The following SLC17A8 variants were observed in gnomAD, a reference collection of about 807,000 sequenced individuals.
SLC17A8 encodes solute carrier family 17 member 8.
A neutral mutation model predicts 58.0 loss-of-function variants in SLC17A8; 31 were observed. That is an observed-to-expected ratio of 0.53 (90% confidence interval 0.40 to 0.72). The LOEUF is 0.72. Among genes scored for constraint, SLC17A8 ranks in the 30% least tolerant of loss-of-function variants. The probability of loss-of-function intolerance (pLI) is 0.00; values close to 1 mark genes in which losing one functional copy is unlikely to be tolerated. For missense variants in SLC17A8, 655 were observed against 727.8 expected (o/e 0.90, Z 1.15); for synonymous variants, 228 against 249.0 (o/e 0.92, Z 0.79).
intron 9 of SLC17A8, among the ~76,000 whole-genome samples, chr12:100,406,114 C>A (rs1038295073): frequency 6.6e-6 from 1 of 152,176 alleles, no homozygotes; most frequent in African/African-American, 2.4e-5. Flanking sequence ...CTGACTTTGC[C>A]CACTCCCTTT....
At chr12:100,386,107 A>C (rs1309568033) in intron 2 of SLC17A8, among the ~76,000 whole-genome samples, 1 of 152,084 alleles carries the variant, frequency 6.6e-6, no homozygotes. Context: ...TCATTTTAAG[A>C]TTCTTGACAT....
chr12:100,361,610 G>A (rs1298592270), intron 1 of SLC17A8, among the ~76,000 whole-genome samples: 1 of 152,150 alleles, frequency 6.6e-6, no homozygotes, highest in Non-Finnish European at 1.5e-5. Context: ...ATTTGGGTGA[G>A]CCTAGAATGT....
At chr12:100,381,295 C>T (rs1299573978) in intron 2 of SLC17A8, among the ~76,000 whole-genome samples, 2 of 152,198 alleles carry the variant, frequency 1.3e-5, no homozygotes, top group African/African-American at 4.8e-5. Flanking sequence ...GCTACTTGTG[C>T]TGGGCATTGT....
At chr12:100,359,762 G>A (rs1592984039) in intron 1 of SLC17A8, among the ~76,000 whole-genome samples, 2 of 152,160 alleles carry the variant, frequency 1.3e-5, no homozygotes, top group African/African-American at 2.4e-5. Context: ...GGTGTATAAG[G>A]TAATTGTATG....
intron 1 of SLC17A8, among the ~76,000 whole-genome samples, chr12:100,361,244 T>A (rs12825058): frequency 0.098 from 14,937 of 152,194 alleles, 1,201 homozygotes; most frequent in East Asian, 0.38. Flanking sequence ...GCCTTCAAGG[T>A]CCTCTGTGAT....
intron 2 of SLC17A8, among the ~76,000 whole-genome samples, chr12:100,385,444 G>T (rs1952667788): frequency 6.6e-6 from 1 of 152,058 alleles, no homozygotes; most frequent in African/African-American, 2.4e-5. Context: ...CACCATGTTG[G>T]CCAGGCTGGT....
intron 8 of SLC17A8, among the ~76,000 whole-genome samples, chr12:100,403,169 G>A (rs1952803482): frequency 6.6e-6 from 1 of 152,172 alleles, no homozygotes; most frequent in African/African-American, 2.4e-5. Context: ...ATCATTGCTT[G>A]CAATGGGTTA....
At chr12:100,382,412 C>CCTAG (rs1952644127) in intron 2 of SLC17A8, among the ~76,000 whole-genome samples, 1 of 152,144 alleles carries the variant, frequency 6.6e-6, no homozygotes, top group African/African-American at 2.4e-5. Flanking sequence ...AAACGATAGA[C>CCTAG]CTAGAGAAGT....
At chr12:100,410,494 CAAAA>C (rs35135035) in intron 9 of SLC17A8, 5 of 125,106 alleles carry the variant, frequency 4.0e-5, no homozygotes, top group Non-Finnish European at 3.3e-5. Context: ...GACTCCATCT[CAAAA>C]AAAAAAAAAA....
At chr12:100,407,631 A>C (rs1952836255) in intron 9 of SLC17A8, among the ~76,000 whole-genome samples, 1 of 148,536 alleles carries the variant, frequency 6.7e-6, no homozygotes, top group African/African-American at 2.5e-5. Flanking sequence ...TTTGAGATGG[A>C]GTCTCGCTCT....
At chr12:100,379,511 A>T (rs1178606842) in intron 1 of SLC17A8, among the ~76,000 whole-genome samples, 1 of 152,024 alleles carries the variant, frequency 6.6e-6, no homozygotes, top group Non-Finnish European at 1.5e-5. Context: ...GTTTTATCCA[A>T]ACTATTGGGT....
intron 2 of SLC17A8, among the ~76,000 whole-genome samples, chr12:100,384,641 G>A (rs1313438381): frequency 6.6e-6 from 1 of 152,156 alleles, no homozygotes; most frequent in Non-Finnish European, 1.5e-5. Context: ...GAAAGCCAAG[G>A]GCAGAAAGCA....
intron 1 of SLC17A8, among the ~76,000 whole-genome samples, chr12:100,367,706 A>G (rs1952530044): frequency 6.6e-6 from 1 of 152,032 alleles, no homozygotes; most frequent in Non-Finnish European, 1.5e-5. Flanking sequence ...GCGAGCCACC[A>G]TGCTTGGCTA....
At chr12:100,413,492 A>C (rs192323428) in intron 10 of SLC17A8, among the ~76,000 whole-genome samples, 25 of 152,262 alleles carry the variant, frequency 1.6e-4, no homozygotes, top group Admixed American at 1.4e-3. Context: ...GCATATATTA[A>C]GCCCTGTCTC....
At chr12:100,364,025 G>A (rs1413280208) in intron 1 of SLC17A8, among the ~76,000 whole-genome samples, 1 of 132,906 alleles carries the variant, frequency 7.5e-6, no homozygotes, top group African/African-American at 2.9e-5. Context: ...TCCAGCCTGG[G>A]TGATAGAACA....
Position 100,363,015 on chromosome 12 carries a change from C to G in SLC17A8, c.101+5523C>G, listed in dbSNP as rs978397867. On this transcript the variant is annotated intron_variant, in intron 1 of 11. Transcript: ENST00000323346. ...TGGGTGCCAAACATATTTCTTCCTG[C>G]TCCCATGATGAAGCGACAGTTCTGA... Among the ~76,000 whole-genome samples the G allele has an allele frequency of 2.6e-5, 4 of 152,326 alleles. 1 individual carries two copies. The Middle Eastern group carries it at 0.01, about 389-fold the overall frequency.
At chr12:100,376,583 G>A (rs1257295268) in intron 1 of SLC17A8, among the ~76,000 whole-genome samples, 9 of 152,190 alleles carry the variant, frequency 5.9e-5, no homozygotes, top group African/African-American at 2.2e-4. Context: ...CTGAACTACA[G>A]TTGTATTTTG....
intron 1 of SLC17A8, among the ~76,000 whole-genome samples, chr12:100,372,609 T>A (rs1443847039): frequency 6.6e-6 from 1 of 152,164 alleles, no homozygotes; most frequent in Admixed American, 6.5e-5. Flanking sequence ...AAGCACCTCA[T>A]CCTAAATATA....
At chr12:100,401,091 G>A (rs776452594) in intron 5 of SLC17A8, among the ~76,000 whole-genome samples, 15 of 146,150 alleles carry the variant, frequency 1.0e-4, no homozygotes, top group Non-Finnish European at 1.8e-4. Context: ...TCCGCCTCAC[G>A]GGTTCAAGCA....
Sources: gnomAD v4.1 joint callset for allele counts (sites outside exome capture counted in the v4.1 genomes callset) on GRCh38, gnomAD v4.1.1 for gene constraint, MANE v1.5 for transcripts, NCBI Gene and HGNC (gene_info 2026-07-23, HGNC 2026-07-21) for gene names.